The following MME variants were observed in gnomAD, a reference collection of about 807,000 sequenced individuals.
MME encodes the protein membrane metalloendopeptidase.
Under a neutral mutation model 113.2 loss-of-function variants are expected in MME, and 98 were observed. That is an observed-to-expected ratio of 0.87 (90% CI 0.74 to 1.02). The LOEUF is 1.02. Ranked by LOEUF, MME falls within the 50% of genes least tolerant of loss-of-function variation. The pLI is 0.00. For synonymous variants in MME, 292 were observed against 300.6 expected (o/e 0.97, Z 0.30); for missense variants, 836 against 896.0 (o/e 0.93, Z 0.86).
chr3:155,107,258 CAGG>C (rs1717764967), intron 3 of MME, among the ~76,000 whole-genome samples: 2 of 149,984 alleles, frequency 1.3e-5, no homozygotes, highest in African/African-American at 2.5e-5. Context: ...GAGGCTGAGG[CAGG>C]AGAATTGCTT....
chr3:155,114,691 T>C (rs1461339646), intron 3 of MME, among the ~76,000 whole-genome samples: 1 of 152,158 alleles, frequency 6.6e-6, no homozygotes, highest in Non-Finnish European at 1.5e-5. Context: ...ACCTCTATTC[T>C]TTGTTCTTCT....
At chr3:155,127,007 C>CAAA in intron 8 of MME, among the ~76,000 whole-genome samples, 1 of 65,120 alleles carries the variant, frequency 1.5e-5, no homozygotes, top group Middle Eastern at 8.5e-3. Context: ...AACTCCATCT[C>CAAA]AAAAAAAAAA....
chr3:155,154,082 A>G (rs558309669), intron 16 of MME, among the ~76,000 whole-genome samples: 2 of 152,332 alleles, frequency 1.3e-5, no homozygotes, highest in African/African-American at 4.8e-5. Context: ...TCTGGAATCA[A>G]TATGTCAGCA....
At chr3:155,052,781 A>C (rs1713804711) in intron 1 of MME, among the ~76,000 whole-genome samples, 2 of 152,212 alleles carry the variant, frequency 1.3e-5, no homozygotes, top group African/African-American at 4.8e-5. Flanking sequence ...TTACTTATGC[A>C]AATTACTGCA....
chr3:155,175,018 T>C (rs1207026350), intron 22 of MME, among the ~76,000 whole-genome samples: 1 of 152,080 alleles, frequency 6.6e-6, no homozygotes, highest in Non-Finnish European at 1.5e-5. Flanking sequence ...AAAGTTTGTC[T>C]CTTTTAAGTA....
intron 1 of MME, among the ~76,000 whole-genome samples, chr3:155,032,825 A>T (rs759613906): frequency 6.6e-6 from 1 of 152,236 alleles, no homozygotes; most frequent in Non-Finnish European, 1.5e-5. Flanking sequence ...ATTACAAAAA[A>T]TGGAAGCCAA....
intron 3 of MME, among the ~76,000 whole-genome samples, chr3:155,110,117 T>C (rs986502626): frequency 6.6e-6 from 1 of 152,074 alleles, no homozygotes. Context: ...AGAGAGTAAG[T>C]AAAGGAGAAG....
Position 155,181,256 on chromosome 3 carries a change from T to A in MME, c.*797T>A, listed in dbSNP as rs1181648253. 1.3e-5 allele frequency: 2 copies of A among 152,008 alleles called. No homozygotes were observed. The highest frequency in any genetic ancestry group is 2.9e-5 in the Non-Finnish European group (2 of 67,990). 9.4% of individuals were successfully genotyped at this position (152,008 alleles called of 1,614,324 possible). A position where few individuals can be genotyped will look rare whatever the true frequency, so the allele number is the denominator to read the frequency against. ...TATGAGTAACTATTATTATAGGTAA[T>A]CAATGAATATTGAAGTTTCAGCTTA... is the stretch of plus-strand genomic sequence containing the variant. On this transcript the variant is annotated 3_prime_UTR_variant, in exon 23 of 23. Coordinates refer to ENST00000360490, the MANE Select transcript of MME (RefSeq NM_007289.4).
At chr3:155,117,573 GT>G (rs1718723935) in intron 7 of MME, among the ~76,000 whole-genome samples, 1 of 137,120 alleles carries the variant, frequency 7.3e-6, no homozygotes, top group African/African-American at 2.7e-5. Flanking sequence ...AATATAAAGA[GT>G]TTTTCTTTCT....
chr3:155,104,223 A>G (rs896199288), intron 3 of MME, among the ~76,000 whole-genome samples: 4 of 152,142 alleles, frequency 2.6e-5, no homozygotes, highest in Admixed American at 6.5e-5. Context: ...TATTTGTTGA[A>G]ATTAAATGAA....
intron 3 of MME, among the ~76,000 whole-genome samples, chr3:155,091,313 T>C (rs1836915): frequency 0.12 from 18,887 of 152,254 alleles, 1,184 homozygotes; most frequent in Non-Finnish European, 0.15. Context: ...AGTTATATCA[T>C]AAATACACAA....
At chr3:155,076,339 A>G (rs1714748942), upstream of MME, among the ~76,000 whole-genome samples, 3 of 152,188 alleles carry the variant, frequency 2.0e-5, no homozygotes, top group South Asian at 6.2e-4. Flanking sequence ...TTGTTAGCCC[A>G]CATTTTCACT....
Position 155,143,939 on chromosome 3 carries a change from G to A in MME, c.1317+368G>A, listed in dbSNP as rs538250673. On this transcript the variant is annotated intron_variant, in intron 13 of 22. Transcript: ENST00000360490. ...GAAAGTAAAACAGGATTTATTTGGA[G>A]TATAAGAAATGTGCTTTATTTTTCA... is the stretch of plus-strand genomic sequence containing the variant. Among the ~76,000 whole-genome samples, 3 of 152,262 alleles carry A rather than the reference G, an allele frequency of 2.0e-5. No individual in the cohort carries two copies. In the East Asian group the frequency reaches 5.8e-4, roughly 29 times the overall value.
chr3:155,169,365 A>G (rs1011565713), intron 20 of MME, among the ~76,000 whole-genome samples: 2 of 152,216 alleles, frequency 1.3e-5, no homozygotes, highest in Non-Finnish European at 2.9e-5. Flanking sequence ...AGCATCCGTT[A>G]GAATCCCATT....
At position 155,168,539 on chromosome 3, in the gene MME, C is replaced by T. The variant is rs770934861; in HGVS notation, c.1828C>T (p.Gln610Ter). 6.2e-7 allele frequency: 1 copy of T among 1,613,532 alleles called. No homozygotes were observed. The highest frequency in any genetic ancestry group is 1.7e-5 in the Admixed American group (1 of 59,978). The change falls in exon 19 of 23, where the codon CAG becomes TAG. Residue 610 changes from glutamine (Q) to a stop codon, truncating the protein, a stop_gained. Transcript: ENST00000360490. LOFTEE classifies it high-confidence loss of function. The part of the protein sequence containing the change: ...DGDLVDWWTQ[Q>*]SASNFKEQSQ... ...AGACCTCGTTGACTGGTGGACTCAA[C>T]AGTCTGCAAGTAACTTTAAGGAGCA...
chr3:155,146,140 A>T (rs1032114655), intron 14 of MME, among the ~76,000 whole-genome samples: 6 of 152,196 alleles, frequency 3.9e-5, no homozygotes, highest in African/African-American at 1.4e-4. Flanking sequence ...ATAAAATAAA[A>T]ATAGAAATAA....
chr3:155,173,091 A>T (rs1292754254), intron 22 of MME, among the ~76,000 whole-genome samples: 2 of 152,126 alleles, frequency 1.3e-5, no homozygotes, highest in Non-Finnish European at 2.9e-5. Context: ...CCCATCAAGG[A>T]TGTGAGAGAA....
intron 1 of MME, among the ~76,000 whole-genome samples, chr3:155,073,139 T>G (rs1714636923): frequency 6.6e-6 from 1 of 152,148 alleles, no homozygotes; most frequent in Non-Finnish European, 1.5e-5. Flanking sequence ...AAGGTGCATA[T>G]CCCAATAGAA....
At chr3:155,102,574 T>A (rs565743857) in intron 3 of MME, among the ~76,000 whole-genome samples, 22 of 152,260 alleles carry the variant, frequency 1.4e-4, no homozygotes, top group African/African-American at 4.8e-4. Context: ...AAAGCATAAG[T>A]CAACTTGGCA....
Sources: allele counts gnomAD v4.1 joint callset (sites outside exome capture counted in the v4.1 genomes callset), GRCh38; gene constraint gnomAD v4.1.1; transcripts MANE v1.5; gene names NCBI Gene and HGNC (gene_info 2026-07-23, HGNC 2026-07-21).